The following SNTA1 variants were observed in gnomAD, a reference collection of about 807,000 sequenced individuals.
SNTA1 encodes the protein syntrophin alpha 1.
Under a neutral mutation model 47.1 loss-of-function variants are expected in SNTA1, and 31 were observed. The ratio of observed to expected loss-of-function variants is 0.66; its 90% confidence interval spans 0.49 to 0.89. The LOEUF (loss-of-function observed/expected upper bound fraction) is 0.89, where lower values mean the gene tolerates loss of function less well. SNTA1 is among the 40% of genes least tolerant of loss of function. SNTA1 has a pLI of 0.00. For synonymous variants in SNTA1, 300 were observed against 313.6 expected, an observed-to-expected ratio of 0.96 and a Z score of 0.46; for missense variants, 575 against 693.0, an observed-to-expected ratio of 0.83 and a Z score of 1.91.
At chr20:33,428,678 C>A (rs1031264653) in intron 2 of SNTA1, among the ~76,000 whole-genome samples, 2 of 151,986 alleles carry the variant, frequency 1.3e-5, no homozygotes, top group East Asian at 3.9e-4. Flanking sequence ...TGGGCTCAAG[C>A]AATCCTCCTA....
rs1015324341 is a variant in SNTA1 at position 33,440,998 on chromosome 20, G to A, written c.311-1972C>T. Among the ~76,000 whole-genome samples, 6 of 152,218 alleles carry A rather than the reference G, an allele frequency of 3.9e-5. No individual in the cohort carries two copies. In the East Asian group the frequency reaches 1.2e-3, roughly 29 times the overall value. On this transcript the variant is annotated intron_variant, in intron 1 of 7. Transcript: ENST00000217381. ...GTCTAGAGATTCTAAAAACCTGCCT[G>A]AATGGCATCTTGGATACAAAAGAAG...
chr20:33,429,334 TAAAAAAAAAAAA>T (rs35077145), intron 2 of SNTA1, among the ~76,000 whole-genome samples: 13 of 25,112 alleles, frequency 5.2e-4, no homozygotes, highest in Middle Eastern at 0.042. Context: ...AGACTCCACC[TAAAAAAAAAAAA>T]AAAAAAAAAA....
chr20:33,434,982 C>CTTTT (rs11475592), intron 2 of SNTA1, among the ~76,000 whole-genome samples: 8 of 55,186 alleles, frequency 1.4e-4, no homozygotes, highest in South Asian at 8.9e-4. Context: ...CAGGCACCAG[C>CTTTT]TTTTTTTTTT....
At position 33,412,207 on chromosome 20, in the gene SNTA1, A is replaced by T. The variant is rs1474313746; in HGVS notation, c.1040+89T>A. On this transcript the variant is annotated intron_variant, in intron 5 of 7. Transcript: ENST00000217381. The stretch of plus-strand genomic sequence containing the variant: ...TCACCTGGGGAATAGCTGAGGGTGG[A>T]CAGGGCTGGAGTTCCCAGCTTCTGG... 4 of 1,420,878 alleles carry T rather than the reference A, an allele frequency of 2.8e-6. No homozygotes were observed. In the East Asian group the frequency reaches 9.6e-5, roughly 34 times the overall value. 88.0% of individuals were successfully genotyped at this position (1,420,878 alleles called of 1,614,324 possible). A position where few individuals can be genotyped will look rare whatever the true frequency, so the allele number is the denominator to read the frequency against.
At chr20:33,440,016 T>C (rs1990540756) in intron 1 of SNTA1, among the ~76,000 whole-genome samples, 1 of 152,062 alleles carries the variant, frequency 6.6e-6, no homozygotes, top group African/African-American at 2.4e-5. Flanking sequence ...TCCCAGCTAC[T>C]CGGGAGGCTG....
At chr20:33,414,245 CAAA>C (rs56186098) in intron 3 of SNTA1, among the ~76,000 whole-genome samples, 2 of 29,266 alleles carry the variant, frequency 6.8e-5, no homozygotes, top group African/African-American at 1.2e-4. Context: ...TCTCAAAAAC[CAAA>C]AAAAAAAAAA....
chr20:33,416,938 CAAAAAAAAAAA>C (rs1161474406), intron 3 of SNTA1, among the ~76,000 whole-genome samples: 579 of 56,046 alleles, frequency 0.01, 8 homozygotes, highest in African/African-American at 0.034. Flanking sequence ...GAGACTCTGT[CAAAAAAAAAAA>C]AAAAAAAAAA....
chr20:33,421,829 C>T (rs766525332), intron 2 of SNTA1, among the ~76,000 whole-genome samples: 8 of 150,834 alleles, frequency 5.3e-5, no homozygotes, highest in Admixed American at 1.3e-4. Flanking sequence ...TGGTAGTGTG[C>T]GCCTGTAGTC....
intron 1 of SNTA1, among the ~76,000 whole-genome samples, chr20:33,440,186 T>A (rs1000025851): frequency 2.6e-5 from 4 of 152,022 alleles, no homozygotes; most frequent in Non-Finnish European, 5.9e-5. Context: ...CTGGGCGTGG[T>A]GGCTCACGCC....
chr20:33,423,360 C>T (rs890876061), intron 2 of SNTA1, among the ~76,000 whole-genome samples: 10 of 152,178 alleles, frequency 6.6e-5, no homozygotes, highest in African/African-American at 2.4e-4. Context: ...CTGAGTCACC[C>T]GACAAGGCAG....
chr20:33,416,233 G>T (rs946909844), intron 3 of SNTA1, among the ~76,000 whole-genome samples: 7 of 152,232 alleles, frequency 4.6e-5, no homozygotes, highest in Non-Finnish European at 1.0e-4. Context: ...GATGCTGGAC[G>T]TTAACCAGCC....
At chr20:33,411,758 C>G (rs1989746357) in intron 5 of SNTA1, among the ~76,000 whole-genome samples, 1 of 152,256 alleles carries the variant, frequency 6.6e-6, no homozygotes, top group Admixed American at 6.5e-5. Flanking sequence ...CTGGTTATCA[C>G]AAACTCATAG....
chr20:33,415,612 G>A (rs928949586), intron 3 of SNTA1, among the ~76,000 whole-genome samples: 4 of 149,986 alleles, frequency 2.7e-5, no homozygotes, highest in Admixed American at 6.7e-5. Context: ...GTGAACCCCC[G>A]TCTCTGCTAA....
intron 2 of SNTA1, 69 bp from the exon 3 acceptor site, chr20:33,417,992 A>C (rs1989920990): frequency 9.6e-7 from 1 of 1,043,636 alleles, no homozygotes; most frequent in African/African-American, 1.6e-5. Context: ...AATTGTCACT[A>C]ATTTATTAAG....
intron 2 of SNTA1, among the ~76,000 whole-genome samples, chr20:33,434,565 CAT>C (rs1340641998): frequency 3.3e-5 from 5 of 152,186 alleles, no homozygotes; most frequent in Non-Finnish European, 7.3e-5. Context: ...GGATGATACA[CAT>C]GTTACTTCTC....
chr20:33,439,115 C>T (rs1399187156), intron 1 of SNTA1, 89 bp from the exon 2 acceptor site: 3 of 1,198,650 alleles, frequency 2.5e-6, no homozygotes, highest in Non-Finnish European at 3.7e-6. Context: ...TGAAGGCTTC[C>T]CTTGGTGCCT....
chr20:33,420,027 G>A (rs941289834), intron 2 of SNTA1, among the ~76,000 whole-genome samples: 22 of 151,856 alleles, frequency 1.4e-4, no homozygotes, highest in African/African-American at 5.1e-4. Flanking sequence ...GGGTTCAAGC[G>A]AATCTCCTGC....
At chr20:33,429,440 C>G (rs449493) in intron 2 of SNTA1, among the ~76,000 whole-genome samples, 103,458 of 149,750 alleles carry the variant, frequency 0.69, 35,835 homozygotes, top group Admixed American at 0.75. Flanking sequence ...TCACCTGAGG[C>G]CAGGAGTGGC....
At chr20:33,418,701 G>A (rs905938003) in intron 2 of SNTA1, among the ~76,000 whole-genome samples, 11 of 148,230 alleles carry the variant, frequency 7.4e-5, no homozygotes, top group African/African-American at 2.8e-4. Context: ...GCTGAGGCAG[G>A]AGAATCACTT....
Sources: gnomAD v4.1 joint callset for allele counts (sites outside exome capture counted in the v4.1 genomes callset) on GRCh38, gnomAD v4.1.1 for gene constraint, MANE v1.5 for transcripts, NCBI Gene and HGNC (gene_info 2026-07-23, HGNC 2026-07-21) for gene names.